CUBN: variants seen among roughly 807,000 people sequenced by gnomAD.
CUBN encodes cubilin.
A neutral mutation model predicts 405.3 loss-of-function variants in CUBN; 282 were observed. The observed-to-expected ratio is 0.70, with a 90% CI of 0.63 to 0.77. CUBN has a LOEUF of 0.77. Among genes scored for constraint, CUBN ranks in the 30% least tolerant of loss-of-function variants. The pLI is 0.00. For synonymous variants in CUBN, 1,684 were observed against 1,617.0 expected, an observed-to-expected ratio of 1.04 and a Z score of -0.99; for missense variants, 4,514 against 4,475.2, an observed-to-expected ratio of 1.01 and a Z score of -0.25.
At chr10:17,079,622 T>G (rs1275382701) in intron 17 of CUBN, among the ~76,000 whole-genome samples, 1 of 152,132 alleles carries the variant, frequency 6.6e-6, no homozygotes, top group Non-Finnish European at 1.5e-5. Flanking sequence ...TACAATTAAT[T>G]TCAATATGTA....
intron 56 of CUBN, among the ~76,000 whole-genome samples, chr10:16,882,940 G>T (rs1840704993): frequency 6.6e-6 from 1 of 152,050 alleles, no homozygotes; most frequent in African/African-American, 2.4e-5. Flanking sequence ...CTTGAACCTG[G>T]GAAGCGGAGG....
chr10:16,895,995 G>A (rs753392539), intron 54 of CUBN, among the ~76,000 whole-genome samples: 16 of 151,890 alleles, frequency 1.1e-4, no homozygotes, highest in Non-Finnish European at 1.9e-4. Context: ...TGATATTAGC[G>A]TTTTTCTGTA....
At position 16,900,806 on chromosome 10, in the gene CUBN, A is replaced by G; in HGVS notation, c.8229T>C (p.Ala2743=). 1 of 1,614,142 alleles carries G rather than the reference A, an allele frequency of 6.2e-7. No homozygotes were observed. Among genetic ancestry groups the G allele is most frequent in the Admixed American group, 1.7e-5 (1 of 60,016 alleles). ...DFDIEPHTTC[A]WDSVTVRNGG... ...CATTCCTGACAGTGACAGAGTCCCA[A>G]GCACAAGTTGTATGGGGTTCAATAT... The change falls in exon 53 of 67, where the codon GCT becomes GCC. Residue 2743 remains alanine (A), a synonymous_variant. Coordinates refer to ENST00000377833, the MANE Select transcript of CUBN (RefSeq NM_001081.4).
Position 17,068,123 on chromosome 10 carries a change from G to A in CUBN, c.2949C>T (p.Tyr983=), listed in dbSNP as rs386833779. The change falls in exon 21 of 67, where the codon TAC becomes TAT. Residue 983 remains tyrosine (Y), a synonymous_variant. Transcript: ENST00000377833. ...MFETFHLEFH[Y]NCTNDYLEVY... ...CTTCCAAGTAGTCGTTTGTGCAATTGTAATGAAACTCCAGATGAAATGTTT... is the reference window on the plus strand; with the variant it reads ...CTTCCAAGTAGTCGTTTGTGCAATTATAATGAAACTCCAGATGAAATGTTT... The A allele has an allele frequency of 8.1e-6, 13 of 1,613,148 alleles. No homozygotes were observed. In the South Asian group the frequency reaches 1.4e-4, roughly 18 times the overall value.
chr10:16,854,509 G>A (rs889737674), intron 59 of CUBN, among the ~76,000 whole-genome samples: 2 of 152,156 alleles, frequency 1.3e-5, no homozygotes, highest in Non-Finnish European at 2.9e-5. Flanking sequence ...GCAAGGGAAC[G>A]AGACTGAAGG....
At chr10:17,005,923 A>C (rs529666027) in intron 28 of CUBN, among the ~76,000 whole-genome samples, 1 of 152,318 alleles carries the variant, frequency 6.6e-6, no homozygotes, top group East Asian at 1.9e-4. Context: ...ATCCAATCTG[A>C]CTGGTGTCCT....
chr10:16,931,462 C>T (rs982109370), intron 40 of CUBN, among the ~76,000 whole-genome samples: 1 of 152,156 alleles, frequency 6.6e-6, no homozygotes, highest in East Asian at 1.9e-4. Context: ...ACGGAAAGGC[C>T]GCATAACCAC....
At position 17,111,059 on chromosome 10, in the gene CUBN, A is replaced by T. The variant is rs752035828; in HGVS notation, c.884-9T>A. ...TCCATTGCCTTGCCAGCCTAGGAAA[A>T]CAAGAGGATTTAAAAGTTTAGCTCT... On this transcript the variant is annotated splice_polypyrimidine_tract_variant and intron_variant, in intron 8 of 66. Transcript: ENST00000377833. 6.2e-7 allele frequency: 1 copy of T among 1,614,182 alleles called. No homozygotes were observed. Among genetic ancestry groups the T allele is most frequent in the South Asian group, 1.1e-5 (1 of 91,084 alleles).
At chr10:16,867,938 C>T (rs545080558) in intron 59 of CUBN, among the ~76,000 whole-genome samples, 1 of 151,990 alleles carries the variant, frequency 6.6e-6, no homozygotes, top group Non-Finnish European at 1.5e-5. Flanking sequence ...TCTTGTGAGA[C>T]TATATTAGGA....
Position 16,990,402 on chromosome 10 carries a change from T to C in CUBN, c.4282A>G (p.Ser1428Gly). ...AAGTCATGGATGGTGAGCTGAATGC[T>C]ACTCCCGGGGTCCGTCCTAATGTAC... is the stretch of plus-strand genomic sequence containing the variant. ...IWYIRTDPGSSIQLTIHDFDV... is the reference protein window; with the variant it reads ...IWYIRTDPGSGIQLTIHDFDV... Residue 1428 changes from serine to glycine, a missense_variant, in exon 29 of 67, where the codon AGC (serine) becomes GGC (glycine). Physicochemically the swap from Ser to Gly is moderately conservative, Grantham distance 56. Coordinates refer to ENST00000377833, the MANE Select transcript of CUBN (RefSeq NM_001081.4). 6.2e-7 allele frequency: 1 copy of C among 1,614,184 alleles called. No homozygotes were observed. Among genetic ancestry groups the C allele is most frequent in the Non-Finnish European group, 8.5e-7 (1 of 1,180,012 alleles).
intron 27 of CUBN, among the ~76,000 whole-genome samples, chr10:17,038,596 C>G (rs1212619902): frequency 6.6e-6 from 1 of 152,132 alleles, no homozygotes; most frequent in African/African-American, 2.4e-5. Flanking sequence ...AATTCTGGCT[C>G]TAGTAACAGG....
intron 31 of CUBN, among the ~76,000 whole-genome samples, chr10:16,973,503 C>T (rs975788708): frequency 1.3e-5 from 2 of 152,178 alleles, no homozygotes; most frequent in African/African-American, 4.8e-5. Context: ...AAACCTTTCA[C>T]CTTAGGTTCA....
chr10:17,054,003 A>T (rs1474242888), intron 22 of CUBN, among the ~76,000 whole-genome samples: 1 of 152,124 alleles, frequency 6.6e-6, no homozygotes, highest in Non-Finnish European at 1.5e-5. Flanking sequence ...ATTGGAAAAT[A>T]TTTTGAACTG....
chr10:16,851,158 G>A, intron 60 of CUBN, 77 bp downstream of exon 60: 1 of 1,249,152 alleles, frequency 8.0e-7, no homozygotes. Flanking sequence ...AGGACTTCCT[G>A]TAACGATATA....
chr10:16,921,746 C>G (rs1027660966), intron 43 of CUBN, among the ~76,000 whole-genome samples: 4 of 152,226 alleles, frequency 2.6e-5, no homozygotes, highest in African/African-American at 9.6e-5. Flanking sequence ...TTTCATCTCA[C>G]TCTGAATAAT....
At chr10:16,825,123 T>C in intron 66 of CUBN, 41 bp from the exon 67 acceptor site, 1 of 1,417,334 alleles carries the variant, frequency 7.1e-7, no homozygotes, top group Non-Finnish European at 9.9e-7. Context: ...ATATTTCACA[T>C]ATTTGAACGT....
At chr10:16,903,883 A>C (rs1841478185) in intron 51 of CUBN, 83 bp downstream of exon 51, 1 of 1,019,694 alleles carries the variant, frequency 9.8e-7, no homozygotes, top group African/African-American at 1.6e-5. Flanking sequence ...AATAAATCTA[A>C]CAAAATATAT....
intron 3 of CUBN, among the ~76,000 whole-genome samples, 181 bp downstream of exon 3, chr10:17,127,648 G>T (rs570752934): frequency 6.6e-6 from 1 of 152,096 alleles, no homozygotes; most frequent in Admixed American, 6.5e-5. Context: ...AGCATTTCCT[G>T]CCTTCTGTCC....
At chr10:16,902,916 T>C (rs1841436655) in intron 51 of CUBN, among the ~76,000 whole-genome samples, 1 of 152,038 alleles carries the variant, frequency 6.6e-6, no homozygotes, top group South Asian at 2.1e-4. Context: ...TACAAGAAGT[T>C]GGGAATCTAA....
Sources: allele counts gnomAD v4.1 joint callset (sites outside exome capture counted in the v4.1 genomes callset), GRCh38; gene constraint gnomAD v4.1.1; transcripts MANE v1.5; gene names NCBI Gene and HGNC (gene_info 2026-07-23, HGNC 2026-07-21).